The following ATP2B2 variants were observed in gnomAD, a reference collection of about 807,000 sequenced individuals.
ATP2B2 encodes the protein plasma membrane calcium-transporting ATPase 2.
A neutral mutation model predicts 120.0 loss-of-function variants in ATP2B2; 15 were observed. The observed-to-expected ratio is 0.12, with a 90% CI of 0.08 to 0.19. The LOEUF (loss-of-function observed/expected upper bound fraction) is 0.19. Ranked by LOEUF, ATP2B2 falls within the 10% of genes least tolerant of loss-of-function variation. ATP2B2 has a pLI of 1.00. For synonymous variants in ATP2B2, 694 were observed against 700.3 expected (o/e 0.99, Z 0.14); for missense variants, 1,045 against 1,719.8 (o/e 0.61, Z 6.94).
At chr3:10,655,862 C>T (rs1441676816) in intron 1 of ATP2B2, among the ~76,000 whole-genome samples, 1 of 152,188 alleles carries the variant, frequency 6.6e-6, no homozygotes, top group East Asian at 1.9e-4. Context: ...AAAATCTACC[C>T]AATTCAACGT....
At chr3:10,391,352 A>T (rs1450007789) in intron 5 of ATP2B2, among the ~76,000 whole-genome samples, 1 of 152,208 alleles carries the variant, frequency 6.6e-6, no homozygotes, top group Non-Finnish European at 1.5e-5. Context: ...GGTCTGAGAC[A>T]CATTCTGCTC....
chr3:10,466,076 A>G (rs915960572), intron 1 of ATP2B2, among the ~76,000 whole-genome samples: 4 of 152,202 alleles, frequency 2.6e-5, no homozygotes, highest in Non-Finnish European at 1.5e-5. Context: ...AGCCCTTTAC[A>G]GCATCTCTGT....
chr3:10,344,237 G>A (rs1486466365), intron 18 of ATP2B2, among the ~76,000 whole-genome samples: 1 of 152,132 alleles, frequency 6.6e-6, no homozygotes, highest in African/African-American at 2.4e-5. Context: ...AACTGATAGT[G>A]GTCTCAGAAT....
At chr3:10,613,314 G>T (rs930662272) in intron 2 of ATP2B2, among the ~76,000 whole-genome samples, 5 of 152,126 alleles carry the variant, frequency 3.3e-5, no homozygotes, top group Non-Finnish European at 7.4e-5. Context: ...TCATAAAAGC[G>T]GCACTTCTCT....
intron 13 of ATP2B2, among the ~76,000 whole-genome samples, chr3:10,359,408 T>G (rs2060832691): frequency 6.6e-6 from 1 of 152,000 alleles, no homozygotes; most frequent in African/African-American, 2.4e-5. Flanking sequence ...ACTAATTGCC[T>G]CAATGTACAA....
At chr3:10,699,645 C>G (rs560997509) in intron 1 of ATP2B2, among the ~76,000 whole-genome samples, 1 of 152,192 alleles carries the variant, frequency 6.6e-6, no homozygotes, top group East Asian at 1.9e-4. Context: ...GTGTGTTCCC[C>G]AAAGTTCATG....
intron 1 of ATP2B2, among the ~76,000 whole-genome samples, chr3:10,653,822 G>A (rs1432578037): frequency 6.6e-6 from 1 of 152,102 alleles, no homozygotes; most frequent in Non-Finnish European, 1.5e-5. Context: ...CAGCTTTGCT[G>A]AGCAGACCCT....
At chr3:10,639,751 A>G (rs2070120836) in intron 1 of ATP2B2, among the ~76,000 whole-genome samples, 1 of 152,130 alleles carries the variant, frequency 6.6e-6, no homozygotes, top group South Asian at 2.1e-4. Flanking sequence ...GACTGCTGGA[A>G]CCATGGCAGA....
At chr3:10,518,983 C>T (rs1383602196) in intron 3 of ATP2B2, among the ~76,000 whole-genome samples, 6 of 152,256 alleles carry the variant, frequency 3.9e-5, no homozygotes, top group Admixed American at 3.9e-4. Flanking sequence ...TGAGTAATAA[C>T]TAATGTTCAT....
At chr3:10,465,888 T>A (rs1226940817) in intron 1 of ATP2B2, among the ~76,000 whole-genome samples, 1 of 152,130 alleles carries the variant, frequency 6.6e-6, no homozygotes, top group Non-Finnish European at 1.5e-5. Flanking sequence ...ACTGAGTTGG[T>A]CCCTAACCAC....
intron 1 of ATP2B2, among the ~76,000 whole-genome samples, chr3:10,630,991 T>C (rs536541735): frequency 3.5e-4 from 54 of 152,320 alleles, no homozygotes; most frequent in African/African-American, 1.2e-3. Context: ...CAATTCCAAA[T>C]TGGAAAATGT....
chr3:10,366,051 C>T (rs570847875), intron 12 of ATP2B2, among the ~76,000 whole-genome samples: 8 of 152,254 alleles, frequency 5.3e-5, no homozygotes, highest in Non-Finnish European at 1.2e-4. Context: ...CCCCAGGGCC[C>T]ACCTCCGGAC....
At position 10,338,200 on chromosome 3, in the gene ATP2B2, T is replaced by G. The variant is rs199916915; in HGVS notation, c.3396A>C (p.Arg1132=). 2.3e-5 allele frequency: 37 copies of G among 1,614,056 alleles called. No individual in the cohort carries two copies. The East Asian group carries it at 7.6e-4, about 33-fold the overall frequency. ...ELRRGQILWF[R]GLNRIQTQIR... ...CCTGTGTCTGGATCCGATTCAGGCC[T>G]CGGAACCACAGGATCTGGCCCCGCC... Residue 1132 remains arginine, a synonymous_variant, in exon 22 of 23, where the codon CGA becomes CGC. Coordinates refer to ENST00000360273, the MANE Select transcript of ATP2B2 (RefSeq NM_001001331.4).
intron 2 of ATP2B2, among the ~76,000 whole-genome samples, chr3:10,554,514 G>C (rs1036946474): frequency 6.6e-6 from 1 of 152,150 alleles, no homozygotes; most frequent in Non-Finnish European, 1.5e-5. Flanking sequence ...CAGTGTCTGT[G>C]AATCAAGGAA....
intron 8 of ATP2B2, among the ~76,000 whole-genome samples, chr3:10,382,073 T>C (rs1483816058): frequency 6.6e-6 from 1 of 152,196 alleles, no homozygotes; most frequent in African/African-American, 2.4e-5. Flanking sequence ...TTGCCCAGGC[T>C]GGAGTGCAGT....
intron 2 of ATP2B2, among the ~76,000 whole-genome samples, chr3:10,549,161 T>G (rs2067612959): frequency 6.6e-6 from 1 of 152,208 alleles, no homozygotes; most frequent in African/African-American, 2.4e-5. Flanking sequence ...ATTTGTTGTC[T>G]GTCAAATGGA....
chr3:10,469,969 G>A (rs2064913613), intron 1 of ATP2B2, among the ~76,000 whole-genome samples: 1 of 152,118 alleles, frequency 6.6e-6, no homozygotes, highest in Non-Finnish European at 1.5e-5. Flanking sequence ...AGACCCAGGT[G>A]AGGGTGTCAG....
chr3:10,522,047 G>C (rs895199262), intron 3 of ATP2B2, among the ~76,000 whole-genome samples: 1 of 152,180 alleles, frequency 6.6e-6, no homozygotes, highest in Admixed American at 6.5e-5. Context: ...AGTGGGGTTG[G>C]GGATTGAAAG....
In ATP2B2 at chr3:10,665,903, C is replaced by T. The variant is rs1377490858; in HGVS notation, c.-460+42012G>A. 2.0e-5 allele frequency among the ~76,000 whole-genome samples: 3 copies of T among 152,166 alleles called. No homozygotes were observed. In the East Asian group the frequency reaches 5.8e-4, roughly 29 times the overall value. On this transcript the variant is annotated intron_variant, in intron 1 of 21. Transcript: ENST00000646379. Reference sequence around the variant, plus strand: ...ACCAGAGAAGGGCTCTGCTTCTGTCCTCATCAGAAAAACCTAGAGAGGGAT... The same window carrying T: ...ACCAGAGAAGGGCTCTGCTTCTGTCTTCATCAGAAAAACCTAGAGAGGGAT...
Sources: allele counts gnomAD v4.1 joint callset (sites outside exome capture counted in the v4.1 genomes callset), GRCh38; gene constraint gnomAD v4.1.1; transcripts MANE v1.5; gene names NCBI Gene and HGNC (gene_info 2026-07-23, HGNC 2026-07-21).